Variants in OPCML observed in about 807,000 individuals in gnomAD.
OPCML encodes opioid-binding protein/cell adhesion molecule.
In OPCML, 13 loss-of-function variants were observed where a neutral mutation model predicts 37.8. That is an observed-to-expected ratio of 0.34 (90% confidence interval 0.22 to 0.55). OPCML has a LOEUF of 0.55. OPCML is among the 20% of genes least tolerant of loss of function. The pLI is 0.91. For missense variants in OPCML, 341 were observed against 435.6 expected (o/e 0.78, Z 1.93); for synonymous variants, 176 against 168.8 (o/e 1.04, Z -0.33).
chr11:133,178,687 C>A (rs1211008151), intron 1 of OPCML, among the ~76,000 whole-genome samples: 1 of 152,032 alleles, frequency 6.6e-6, no homozygotes, highest in Non-Finnish European at 1.5e-5. Context: ...AAACGAGCAG[C>A]CAGACATGGA....
intron 2 of OPCML, among the ~76,000 whole-genome samples, chr11:132,674,183 G>A (rs2917583): frequency 0.49 from 74,896 of 152,070 alleles, 18,560 homozygotes; most frequent in Middle Eastern, 0.57. Context: ...TAGGCACTGC[G>A]TTCACCTCAG....
At chr11:133,415,392 A>T (rs1291825019) in intron 1 of OPCML, among the ~76,000 whole-genome samples, 6 of 151,538 alleles carry the variant, frequency 4.0e-5, no homozygotes, top group African/African-American at 1.2e-4. Context: ...CCTGGGTGAC[A>T]CAGTGAGACT....
chr11:132,494,866 T>C (rs959002154), intron 4 of OPCML, among the ~76,000 whole-genome samples: 1 of 152,222 alleles, frequency 6.6e-6, no homozygotes, highest in Admixed American at 6.5e-5. Context: ...CAAGACTCTT[T>C]GATGGTTTCC....
intron 1 of OPCML, chr11:133,422,761 A>T: frequency 1.1e-6 from 1 of 919,378 alleles, no homozygotes; most frequent in Non-Finnish European, 1.3e-6. Context: ...ATAATGTATT[A>T]ATAATAAAGT....
chr11:133,004,049 G>A, intron 1 of OPCML: 1 of 985,400 alleles, frequency 1.0e-6, no homozygotes, highest in Non-Finnish European at 1.2e-6. Context: ...TGCCAGCTGG[G>A]AAGGAGGAAG....
At chr11:133,411,465 AAAGGAACCCTTGGG>A (rs1403037598) in intron 1 of OPCML, among the ~76,000 whole-genome samples, 9 of 152,144 alleles carry the variant, frequency 5.9e-5, no homozygotes, top group African/African-American at 2.2e-4. Context: ...AGGTCATGGG[AAAGGAACCCTTGGG>A]AAGAAATGCA....
chr11:133,404,298 G>T (rs1170369784), intron 1 of OPCML, among the ~76,000 whole-genome samples: 12 of 152,222 alleles, frequency 7.9e-5, no homozygotes, highest in Admixed American at 7.8e-4. Context: ...CCTCTCCCAA[G>T]ATTTTATTTC....
At chr11:132,896,908 T>C (rs1591769867) in intron 2 of OPCML, among the ~76,000 whole-genome samples, 1 of 152,368 alleles carries the variant, frequency 6.6e-6, no homozygotes, top group African/African-American at 2.4e-5. Flanking sequence ...ATATGTTGTG[T>C]ATCTGGCTCG....
intron 4 of OPCML, among the ~76,000 whole-genome samples, chr11:132,490,013 C>T (rs1381151934): frequency 2.6e-5 from 4 of 152,154 alleles, no homozygotes; most frequent in Non-Finnish European, 5.9e-5. Flanking sequence ...CTGCAAAGGA[C>T]ATGAACTCAT....
intron 1 of OPCML, among the ~76,000 whole-genome samples, chr11:132,971,655 T>A (rs917609644): frequency 1.3e-5 from 2 of 152,188 alleles, no homozygotes; most frequent in African/African-American, 4.8e-5. Context: ...AGACAGTAAG[T>A]GAAGTGTGAA....
At chr11:132,761,999 G>A (rs1462502741) in intron 2 of OPCML, among the ~76,000 whole-genome samples, 4 of 152,080 alleles carry the variant, frequency 2.6e-5, no homozygotes, top group African/African-American at 9.7e-5. Flanking sequence ...TTTTGCGTGG[G>A]TGTCTTTTTT....
intron 3 of OPCML, among the ~76,000 whole-genome samples, chr11:132,608,223 T>C (rs1938426966): frequency 6.6e-6 from 1 of 152,200 alleles, no homozygotes; most frequent in African/African-American, 2.4e-5. Flanking sequence ...AGAAAGCACA[T>C]GCTCAAATGA....
intron 4 of OPCML, among the ~76,000 whole-genome samples, chr11:132,482,690 A>T (rs904340362): frequency 2.0e-5 from 3 of 152,216 alleles, no homozygotes; most frequent in African/African-American, 7.2e-5. Flanking sequence ...GGCACACCGA[A>T]TCCAGCAGCA....
intron 1 of OPCML, 120 bp downstream of exon 1, chr11:133,532,144 C>T (rs1293844810): frequency 6.8e-7 from 1 of 1,469,338 alleles, no homozygotes; most frequent in Non-Finnish European, 9.2e-7. Context: ...CACTCACATG[C>T]ATCTCACACT....
rs1030828705 is a variant in OPCML at position 133,326,351 on chromosome 11, T to G, written c.61+205913A>C. On this transcript the variant is annotated intron_variant, in intron 1 of 7. Transcript: ENST00000524381. Reference sequence around the variant, plus strand: ...GGGAGTGGGTGTGTGTATGTGTGTGTGGGGGTGGGGGTGTATGTGTTTGGG... The same window carrying G: ...GGGAGTGGGTGTGTGTATGTGTGTGGGGGGGTGGGGGTGTATGTGTTTGGG... Among the ~76,000 whole-genome samples, 49 of 9,912 alleles carry G rather than the reference T, an allele frequency of 4.9e-3. 1 individual carries two copies. Among genetic ancestry groups the G allele is most frequent in the African/African-American group, 0.022 (45 of 2,078 alleles). 6.5% of individuals were successfully genotyped at this position (9,912 alleles called of 152,430 possible).
At chr11:132,733,883 A>G (rs1407536735) in intron 2 of OPCML, among the ~76,000 whole-genome samples, 1 of 152,218 alleles carries the variant, frequency 6.6e-6, no homozygotes, top group Non-Finnish European at 1.5e-5. Flanking sequence ...GAGAGGGAAC[A>G]TATGAGACAG....
At chr11:133,461,554 A>C (rs1946858941) in intron 1 of OPCML, among the ~76,000 whole-genome samples, 2 of 152,062 alleles carry the variant, frequency 1.3e-5, no homozygotes, top group African/African-American at 2.4e-5. Flanking sequence ...GGAGAAAATC[A>C]GTAAAACCAA....
At chr11:132,634,066 G>C (rs1044437522) in intron 3 of OPCML, among the ~76,000 whole-genome samples, 3 of 152,124 alleles carry the variant, frequency 2.0e-5, no homozygotes, top group Non-Finnish European at 2.9e-5. Context: ...AGCAAAAAGG[G>C]AAAGGGGATT....
intron 3 of OPCML, among the ~76,000 whole-genome samples, chr11:132,535,328 G>A (rs1484473571): frequency 6.6e-6 from 1 of 152,030 alleles, no homozygotes; most frequent in South Asian, 2.1e-4. Context: ...CTTTTAAAAT[G>A]TTTTCTTTTA....
Sources: allele counts gnomAD v4.1 joint callset (sites outside exome capture counted in the v4.1 genomes callset), GRCh38; gene constraint gnomAD v4.1.1; transcripts MANE v1.5; gene names NCBI Gene and HGNC (gene_info 2026-07-23, HGNC 2026-07-21).